Variants in KLHL11 observed in about 807,000 individuals in gnomAD.
The protein encoded by KLHL11 is kelch-like protein 11.
KLHL11 carries 26 observed loss-of-function variants against 56.1 expected under a neutral mutation model. The ratio of observed to expected loss-of-function variants is 0.46; its 90% CI spans 0.34 to 0.64. The LOEUF is 0.64. KLHL11 is among the 30% of genes least tolerant of loss of function. The pLI is 0.01. For missense variants in KLHL11, 627 were observed against 919.4 expected (o/e 0.68, Z 4.11); for synonymous variants, 338 against 345.8 (o/e 0.98, Z 0.25).
Position 41,850,289 on chromosome 17 carries a change from T to C in KLHL11, c.*3451A>G, listed in dbSNP as rs1181635888. 1 of 152,178 alleles carries C rather than the reference T, an allele frequency of 6.6e-6. No homozygotes were observed. The highest frequency in any genetic ancestry group is 1.5e-5 in the Non-Finnish European group (1 of 68,024). 9.4% of individuals were successfully genotyped at this position (152,178 alleles called of 1,614,324 possible). The stretch of plus-strand genomic sequence containing the variant: ...TAAAAATTAGAAAATCAGGAAAACC[T>C]GCACACATCATCATGCAATGAAGGA... On this transcript the variant is annotated 3_prime_UTR_variant, in exon 2 of 2. Transcript: ENST00000319121.
intron 1 of KLHL11, among the ~76,000 whole-genome samples, chr17:41,857,852 T>C (rs2048375863): frequency 6.6e-6 from 1 of 152,242 alleles, no homozygotes; most frequent in South Asian, 2.1e-4. Context: ...GTTTCACTCT[T>C]GCTGCCCAAG....
chr17:41,864,954 C>G lies in KLHL11; in HGVS notation c.417G>C (p.Glu139Asp). 1 of 1,611,656 alleles carries G rather than the reference C, an allele frequency of 6.2e-7. No individual in the cohort carries two copies. The highest frequency in any genetic ancestry group is 8.5e-7 in the Non-Finnish European group (1 of 1,179,278). Residue 139 changes from glutamate to aspartate, a missense_variant, in exon 1 of 2, where the codon GAG becomes GAC. This residue lies in a region of KLHL11 where 150 missense variants were observed against 215.7 expected (regional missense o/e 0.70). Transcript: ENST00000319121. The part of the protein sequence containing the change: ...QFSESRSGRV[E>D]MRKWSSEPGP... ...CCGGCTCGGAGCTCCACTTGCGCATCTCCACCCGTCCCGAGCGGGACTCGG... is the reference window on the plus strand; with the variant it reads ...CCGGCTCGGAGCTCCACTTGCGCATGTCCACCCGTCCCGAGCGGGACTCGG...
At position 41,855,801 on chromosome 17, in the gene KLHL11, AG is replaced by A. The variant is rs542077316; in HGVS notation, c.546-481del. Among the ~76,000 whole-genome samples, 484 of 149,604 alleles carry A rather than the reference AG, an allele frequency of 3.2e-3. 3 individuals carry two copies. The highest frequency in any genetic ancestry group is 0.011 in the African/African-American group (464 of 40,460). On this transcript the variant is annotated intron_variant, in intron 1 of 1. Coordinates refer to ENST00000319121, the MANE Select transcript of KLHL11 (RefSeq NM_018143.3). Reference sequence around the variant, plus strand: ...ATTCTCCTGCCTCAGCCTCCCAAGTAGCTGGGATTACAGGCGTGTGCCACCA... The same window carrying A: ...ATTCTCCTGCCTCAGCCTCCCAAGTACTGGGATTACAGGCGTGTGCCACCA...
intron 1 of KLHL11, among the ~76,000 whole-genome samples, chr17:41,855,806 G>A (rs1180803641): frequency 6.7e-6 from 1 of 150,364 alleles, no homozygotes; most frequent in Admixed American, 6.7e-5. Context: ...CAAGTAGCTG[G>A]GATTACAGGC....
chr17:41,864,911 C>G lies in KLHL11; in HGVS notation c.460G>C (p.Val154Leu). 1 of 1,610,408 alleles carries G rather than the reference C, an allele frequency of 6.2e-7. No individual in the cohort carries two copies. Among genetic ancestry groups the G allele is most frequent in the Non-Finnish European group, 8.5e-7 (1 of 1,178,742 alleles). ...TACATGTACTCGATTACGGCTTCCA[C>G]TGTGTCGGGTTCGGGCCCCGGCTCG... ...SSEPGPEPDT[V>L]EAVIEYMYTG... Residue 154 changes from valine (V) to leucine (L), a missense_variant, in exon 1 of 2, where the codon GTG (valine) becomes CTG (leucine). Transcript: ENST00000319121.
At chr17:41,859,768 G>A (rs2048391556) in intron 1 of KLHL11, among the ~76,000 whole-genome samples, 1 of 151,968 alleles carries the variant, frequency 6.6e-6, no homozygotes, top group Admixed American at 6.6e-5. Flanking sequence ...ACAAAAGAAA[G>A]TGATCTGGCA....
chr17:41,856,058 T>C (rs2048364391), intron 1 of KLHL11, among the ~76,000 whole-genome samples: 1 of 150,262 alleles, frequency 6.7e-6, no homozygotes, highest in African/African-American at 2.4e-5. Context: ...TGGCACAATC[T>C]TGGCTCACGG....
In KLHL11 at chr17:41,853,933, G is replaced by A. The variant is rs2048347753; in HGVS notation, c.1934C>T (p.Pro645Leu). The A allele has an allele frequency of 6.2e-7, 1 of 1,614,070 alleles. No homozygotes were observed. ...TCTACAACGAGGTTGTGGCATAGGA[G>A]GAAGAAGCATCCACCTCTTCCTCTC... ...CAERKRWMLL[P>L]PMPQPRCRAT... is the part of the protein sequence containing the mutation. The change falls in exon 2 of 2, where the codon CCT (proline) becomes CTT (leucine). Residue 645 changes from proline to leucine, a missense_variant. By Grantham distance (98) the Pro-to-Leu change is moderately conservative (BLOSUM62 -3). Coordinates refer to ENST00000319121, the MANE Select transcript of KLHL11 (RefSeq NM_018143.3).
chr17:41,854,393 G>A lies in KLHL11; in HGVS notation c.1474C>T (p.Arg492Ter), dbSNP rs782630323. Residue 492 changes from arginine to a stop codon, truncating the protein, a stop_gained, in exon 2 of 2, where the codon CGA (arginine) becomes TGA (stop). Transcript: ENST00000319121. LOFTEE classifies it high-confidence loss of function. This position sits in a 1 kb window ranked among gnomAD's most constrained non-coding sequence, Gnocchi z 4.9. The stretch of plus-strand genomic sequence containing the variant: ...TCAATGGCTAGTGCTTTGACATCTC[G>A]AAGAATCTTTGGTGCCGATTCCAAG... ...HNLESAPKILRDVKALAIEDR... is the reference protein window; with the variant it reads ...HNLESAPKIL 3.7e-6 allele frequency: 6 copies of A among 1,613,964 alleles called. No individual in the cohort carries two copies. The highest frequency in any genetic ancestry group is 1.1e-5 in the South Asian group (1 of 91,074).
chr17:41,858,218 CTTTT>C (rs1174225045), intron 1 of KLHL11, among the ~76,000 whole-genome samples: 5,619 of 116,070 alleles, frequency 0.048, 94 homozygotes, highest in East Asian at 0.11. Context: ...TCACCAGCCT[CTTTT>C]TTTTTTTTTT....
Position 41,848,589 on chromosome 17 carries a change from C to T in KLHL11, c.*5151G>A. The T allele has an allele frequency of 3.0e-6, 1 of 331,770 alleles. No homozygotes were observed. The allele number at this position is 331,770 out of a possible 1,614,324, so 20.6% of individuals were successfully genotyped here. On this transcript the variant is annotated 3_prime_UTR_variant, in exon 2 of 2. Transcript: ENST00000319121. ...GCTTTAACAGAGAACAAGATAGCTT[C>T]AGGAACATAAAACAAGCTATTTTAC... is the stretch of plus-strand genomic sequence containing the variant.
rs140333312 is a variant in KLHL11, at chr17:41,854,320, G to A, written c.1547C>T (p.Thr516Ile). The change falls in exon 2 of 2, where the codon ACT becomes ATT. Residue 516 changes from threonine (T) to isoleucine (I), a missense_variant. By Grantham distance (89) the Thr-to-Ile change is moderately conservative (BLOSUM62 -1). Transcript: ENST00000319121. The surrounding 1 kb of genome is among the most constrained non-coding windows in gnomAD (Gnocchi z 4.9). Reference protein sequence around the residue: ...IAARTPVDRDTEDGLKAVITC... With the variant: ...IAARTPVDRDIEDGLKAVITC... ...AATTACAGCCTTTAATCCATCTTCA[G>A]TGTCCCGGTCTACAGGAGTGCGGGC... 3.1e-3 allele frequency: 4,967 copies of A among 1,614,174 alleles called. 26 individuals are homozygous for A. The highest frequency in any genetic ancestry group is 2.5e-3 in the Non-Finnish European group (2,897 of 1,180,032).
intron 1 of KLHL11, among the ~76,000 whole-genome samples, chr17:41,858,986 C>T (rs1267769614): frequency 2.0e-5 from 3 of 152,096 alleles, no homozygotes; most frequent in African/African-American, 2.4e-5. Flanking sequence ...TCAGAAGGAA[C>T]GCCCCCCTTA....
intron 1 of KLHL11, among the ~76,000 whole-genome samples, chr17:41,862,023 G>A (rs533733838): frequency 2.6e-5 from 4 of 152,078 alleles, no homozygotes; most frequent in East Asian, 3.9e-4. Context: ...GAGTTGACAC[G>A]ACTGGCTACT....
At position 41,854,644 on chromosome 17, in the gene KLHL11, T is replaced by C. The variant is rs1450977073; in HGVS notation, c.1223A>G (p.Tyr408Cys). The change falls in exon 2 of 2, where the codon TAC becomes TGC. Residue 408 changes from tyrosine (Y) to cysteine (C), a missense_variant. Coordinates refer to ENST00000319121, the MANE Select transcript of KLHL11 (RefSeq NM_018143.3). This position sits in a 1 kb window ranked among gnomAD's most constrained non-coding sequence, Gnocchi z 4.9. ...CTCCATTGATCCAGCAACATACACG[T>C]AGGATTCTGTTACTGCAACAGCATG... is the stretch of plus-strand genomic sequence containing the variant. ...DGHAVAVTES[Y>C]VYVAGSMEPG... 8 of 1,614,048 alleles carry C rather than the reference T, an allele frequency of 5.0e-6. No homozygotes were observed. Among genetic ancestry groups the C allele is most frequent in the Middle Eastern group, 1.6e-4 (1 of 6,084 alleles).
Position 41,865,177 on chromosome 17 carries a change from C to T in KLHL11, c.194G>A (p.Gly65Asp). The change falls in exon 1 of 2, where the codon GGC (glycine) becomes GAC (aspartate). Residue 65 changes from glycine to aspartate, a missense_variant. By Grantham distance (94) the Gly-to-Asp change is moderately conservative. This residue lies in a region of KLHL11 where 121 missense variants were observed against 116.2 expected (regional missense o/e 1.04). Transcript: ENST00000319121. ...SAMEASGGDP[G>D]PEAEDFECSS... Reference sequence around the variant, plus strand: ...GCACTCGAAATCCTCGGCTTCTGGGCCCGGATCGCCCCCGCTCGCCTCCAT... The same window carrying T: ...GCACTCGAAATCCTCGGCTTCTGGGTCCGGATCGCCCCCGCTCGCCTCCAT... 1.9e-6 allele frequency: 3 copies of T among 1,610,046 alleles called. No homozygotes were observed. Among genetic ancestry groups the T allele is most frequent in the Non-Finnish European group, 1.7e-6 (2 of 1,178,928 alleles).
At position 41,861,686 on chromosome 17, in the gene KLHL11, CAAAAA is replaced by C. The variant is rs71155178; in HGVS notation, c.545+3135_545+3139del. 2.6e-3 allele frequency among the ~76,000 whole-genome samples: 158 copies of C among 61,864 alleles called. 3 individuals carry two copies. In the East Asian group the frequency reaches 0.07, roughly 27 times the overall value. The allele number at this position is 61,864 out of a possible 152,430, so 40.6% of individuals were successfully genotyped here. On this transcript the variant is annotated intron_variant, in intron 1 of 1. Transcript: ENST00000319121. ...GGGAAACAGAGCGAGACTCTTGTCT[CAAAAA>C]AAAAAAAAAAAAAAAAAAAAGAATG...
intron 1 of KLHL11, 45 bp downstream of exon 1, chr17:41,864,781 C>G (rs369753403): frequency 4.9e-4 from 722 of 1,479,728 alleles, no homozygotes; most frequent in Admixed American, 5.3e-4. Flanking sequence ...GCATCTCCCC[C>G]TCTCCGCGCC....
At chr17:41,864,424 G>A (rs1226429560) in intron 1 of KLHL11, among the ~76,000 whole-genome samples, 3 of 152,286 alleles carry the variant, frequency 2.0e-5, no homozygotes, top group Admixed American at 1.3e-4. Context: ...GCGCTGTCTG[G>A]AATATTCATT....
Sources: allele counts gnomAD v4.1 joint callset (sites outside exome capture counted in the v4.1 genomes callset), GRCh38; gene constraint gnomAD v4.1.1; regional missense constraint gnomAD v4.1.1; non-coding constraint Gnocchi (gnomAD v3.1); transcripts MANE v1.5; gene names NCBI Gene and HGNC (gene_info 2026-07-23, HGNC 2026-07-21).